The following FHIT variants were observed in gnomAD, a reference collection of about 807,000 sequenced individuals.
FHIT encodes bis(5'-adenosyl)-triphosphatase.
FHIT carries 19 observed loss-of-function variants against 17.9 expected under a neutral mutation model. The ratio of observed to expected loss-of-function variants is 1.06; its 90% CI spans 0.74 to 1.56. The LOEUF (loss-of-function observed/expected upper bound fraction) is 1.56. FHIT is among the 40% of genes most tolerant of loss of function. FHIT has a pLI of 0.00. For missense variants in FHIT, 248 were observed against 189.2 expected (o/e 1.31, Z -1.82); for synonymous variants, 81 against 69.7 (o/e 1.16, Z -0.81).
intron 4 of FHIT, among the ~76,000 whole-genome samples, chr3:60,704,006 C>A (rs1423278151): frequency 2.6e-5 from 4 of 151,788 alleles, no homozygotes; most frequent in Non-Finnish European, 2.9e-5. Flanking sequence ...TAAAAAAAAT[C>A]TAGCCGTACC....
At chr3:61,090,507 G>C (rs1249520929) in intron 2 of FHIT, among the ~76,000 whole-genome samples, 1 of 152,204 alleles carries the variant, frequency 6.6e-6, no homozygotes, top group South Asian at 2.1e-4. Flanking sequence ...AAAAAAGAGA[G>C]AGCTTTGCTT....
chr3:60,515,576 TAA>T (rs67857835), intron 5 of FHIT, among the ~76,000 whole-genome samples: 643 of 144,036 alleles, frequency 4.5e-3, no homozygotes, highest in African/African-American at 6.9e-3. Context: ...GGCTTTAATT[TAA>T]AAAAAAAAAA....
At chr3:61,077,348 G>A (rs1378277489) in intron 2 of FHIT, among the ~76,000 whole-genome samples, 1 of 152,000 alleles carries the variant, frequency 6.6e-6, no homozygotes, top group Admixed American at 6.6e-5. Context: ...AAATATTTGG[G>A]TAATAGAGTT....
At chr3:60,468,103 AGCTCCTCCT>A (rs1164005982) in intron 5 of FHIT, among the ~76,000 whole-genome samples, 2 of 152,038 alleles carry the variant, frequency 1.3e-5, no homozygotes, top group Non-Finnish European at 2.9e-5. Context: ...ATATAAGCAT[AGCTCCTCCT>A]GCTCTTTTTG....
At chr3:61,222,478 C>A (rs2039865791) in intron 1 of FHIT, among the ~76,000 whole-genome samples, 1 of 152,148 alleles carries the variant, frequency 6.6e-6, no homozygotes, top group Admixed American at 6.5e-5. Context: ...GGTCTGGGCA[C>A]CAGCGGCAAG....
At chr3:61,064,523 T>A (rs944841694) in intron 2 of FHIT, among the ~76,000 whole-genome samples, 1 of 152,162 alleles carries the variant, frequency 6.6e-6, no homozygotes, top group Non-Finnish European at 1.5e-5. Context: ...TAGTTGGGTG[T>A]TCTGTTACTT....
rs575751831 is a variant in FHIT at position 59,816,960 on chromosome 3, G to C, written c.349-64639C>G. On this transcript the variant is annotated intron_variant, in intron 8 of 9. Transcript: ENST00000492590. ...GACTCTTGAATAGCATCTTGATCTA[G>C]ACCAGTATAAACTCGTGGGACCTAA... is the stretch of plus-strand genomic sequence containing the variant. Among the ~76,000 whole-genome samples the C allele has an allele frequency of 7.9e-5, 12 of 152,238 alleles. No individual in the cohort carries two copies. The East Asian group carries it at 1.2e-3, about 15-fold the overall frequency.
At chr3:59,771,984 A>G (rs1022566213) in intron 8 of FHIT, among the ~76,000 whole-genome samples, 5 of 152,200 alleles carry the variant, frequency 3.3e-5, no homozygotes, top group Admixed American at 1.3e-4. Context: ...CACAAAGGAT[A>G]CATCTGCCTC....
intron 4 of FHIT, among the ~76,000 whole-genome samples, chr3:60,602,919 C>A (rs1212680897): frequency 6.6e-6 from 1 of 152,164 alleles, no homozygotes; most frequent in African/African-American, 2.4e-5. Context: ...CTTTGCCAGA[C>A]ACCAAATCTG....
At chr3:60,870,699 G>A (rs1289351990) in intron 3 of FHIT, among the ~76,000 whole-genome samples, 1 of 152,182 alleles carries the variant, frequency 6.6e-6, no homozygotes, top group Admixed American at 6.6e-5. Flanking sequence ...TGGACCTCAG[G>A]CCTGCTTAGA....
intron 5 of FHIT, among the ~76,000 whole-genome samples, chr3:60,064,115 G>C (rs1702402359): frequency 6.6e-6 from 1 of 152,186 alleles, no homozygotes; most frequent in Non-Finnish European, 1.5e-5. Context: ...GCATGTCAGA[G>C]AAGAGAAGGA....
chr3:59,924,484 G>A (rs780808690), intron 7 of FHIT, among the ~76,000 whole-genome samples: 8 of 152,228 alleles, frequency 5.3e-5, no homozygotes, highest in Non-Finnish European at 1.0e-4. Context: ...TATCTATATG[G>A]GGATTATAAT....
At chr3:59,869,100 A>G (rs1476218020) in intron 8 of FHIT, among the ~76,000 whole-genome samples, 1 of 152,204 alleles carries the variant, frequency 6.6e-6, no homozygotes, top group Non-Finnish European at 1.5e-5. Flanking sequence ...ATTATCAGAA[A>G]GAGTTGGAAG....
chr3:61,202,067 T>TACACACAC (rs143994045), intron 1 of FHIT, among the ~76,000 whole-genome samples: 4,748 of 148,662 alleles, frequency 0.032, 80 homozygotes, highest in Middle Eastern at 0.08. Context: ...CGCACATAGA[T>TACACACAC]ACACACACAC....
intron 5 of FHIT, among the ~76,000 whole-genome samples, chr3:60,449,427 T>TACAC (rs140706888): frequency 0.22 from 32,338 of 149,680 alleles, 3,717 homozygotes; most frequent in Admixed American, 0.3. Flanking sequence ...CATATGCGCA[T>TACAC]ACACACACAC....
At chr3:60,148,396 G>GT (rs1295315314) in intron 5 of FHIT, among the ~76,000 whole-genome samples, 1 of 152,210 alleles carries the variant, frequency 6.6e-6, no homozygotes, top group Non-Finnish European at 1.5e-5. Flanking sequence ...CTAGTGAAAT[G>GT]TAAGTGTGGG....
At chr3:61,043,758 A>G (rs1202279751) in intron 2 of FHIT, among the ~76,000 whole-genome samples, 1 of 152,188 alleles carries the variant, frequency 6.6e-6, no homozygotes, top group African/African-American at 2.4e-5. Context: ...TCACACAGCC[A>G]AGTACCCCTC....
intron 2 of FHIT, among the ~76,000 whole-genome samples, chr3:61,120,723 C>A (rs1169699962): frequency 6.6e-6 from 1 of 152,022 alleles, no homozygotes; most frequent in African/African-American, 2.4e-5. Context: ...AGCAAGGGAA[C>A]AAAACTGGAC....
chr3:60,101,300 C>T (rs1198488252), intron 5 of FHIT, among the ~76,000 whole-genome samples: 1 of 152,212 alleles, frequency 6.6e-6, no homozygotes, highest in South Asian at 2.1e-4. Context: ...ATGGCCATGT[C>T]CACCTCGGGC....
Sources: allele counts gnomAD v4.1 joint callset (sites outside exome capture counted in the v4.1 genomes callset), GRCh38; gene constraint gnomAD v4.1.1; transcripts MANE v1.5; gene names NCBI Gene and HGNC (gene_info 2026-07-23, HGNC 2026-07-21).